The following MAML3 variants were observed in gnomAD, a reference collection of about 807,000 sequenced individuals.
MAML3 encodes mastermind like transcriptional coactivator 3, also known as mastermind-like protein 3.
Under a neutral mutation model 101.9 loss-of-function variants are expected in MAML3, and 27 were observed. The observed-to-expected ratio is 0.27, with a 90% confidence interval of 0.20 to 0.37. The LOEUF (loss-of-function observed/expected upper bound fraction) is 0.37. Among genes scored for constraint, MAML3 ranks in the 10% least tolerant of loss-of-function variants. MAML3 has a pLI of 1.00. For missense variants in MAML3, 1,316 were observed against 1,444.9 expected, an observed-to-expected ratio of 0.91 and a Z score of 1.45; for synonymous variants, 501 against 555.9, an observed-to-expected ratio of 0.90 and a Z score of 1.39.
chr4:139,850,956 A>C (rs1731537593), intron 2 of MAML3, among the ~76,000 whole-genome samples: 1 of 152,098 alleles, frequency 6.6e-6, no homozygotes, highest in South Asian at 2.1e-4. Context: ...GATATGGTTG[A>C]CATTAGAAAA....
intron 2 of MAML3, among the ~76,000 whole-genome samples, chr4:139,739,489 C>G (rs549423140): frequency 1.3e-5 from 2 of 152,132 alleles, no homozygotes; most frequent in East Asian, 3.9e-4. Flanking sequence ...TGATTAATTC[C>G]ACCACCAAAG....
intron 1 of MAML3, among the ~76,000 whole-genome samples, chr4:140,136,811 A>G (rs926181106): frequency 6.6e-6 from 1 of 152,226 alleles, no homozygotes; most frequent in Non-Finnish European, 1.5e-5. Context: ...TTAAACAAAG[A>G]TTCCTCAAAA....
chr4:140,001,452 G>T (rs576825212), intron 1 of MAML3, among the ~76,000 whole-genome samples: 10 of 152,174 alleles, frequency 6.6e-5, no homozygotes, highest in African/African-American at 2.4e-4. Context: ...TTAATAAGTC[G>T]CAGAGTGAGA....
At chr4:140,070,200 G>A (rs186798656) in intron 1 of MAML3, among the ~76,000 whole-genome samples, 10 of 152,236 alleles carry the variant, frequency 6.6e-5, no homozygotes, top group Admixed American at 5.2e-4. Context: ...CACTGTCTTG[G>A]TCACCACTGC....
intron 1 of MAML3, among the ~76,000 whole-genome samples, chr4:140,056,497 T>A (rs1293769627): frequency 6.6e-6 from 1 of 151,726 alleles, no homozygotes; most frequent in African/African-American, 2.4e-5. Flanking sequence ...CTTTTTGTAT[T>A]CTCCTAGAGT....
intron 1 of MAML3, among the ~76,000 whole-genome samples, chr4:140,052,141 G>T (rs1488413774): frequency 6.6e-6 from 1 of 152,140 alleles, no homozygotes; most frequent in African/African-American, 2.4e-5. Flanking sequence ...GAAAAGCCCA[G>T]AAATGGTTCA....
intron 1 of MAML3, among the ~76,000 whole-genome samples, chr4:139,959,064 C>A (rs1163735356): frequency 6.6e-6 from 1 of 152,148 alleles, no homozygotes; most frequent in African/African-American, 2.4e-5. Context: ...GAGACTGAAT[C>A]AAGGAGCGTG....
chr4:139,736,079 C>G (rs773720372), intron 2 of MAML3, among the ~76,000 whole-genome samples: 26 of 151,974 alleles, frequency 1.7e-4, no homozygotes, highest in Non-Finnish European at 2.9e-5. Flanking sequence ...AAAAGGATGC[C>G]CCAGAAAACC....
rs572711294 is a variant in MAML3, at chr4:139,950,481, T to C, written c.469-59514A>G. Among the ~76,000 whole-genome samples the C allele has an allele frequency of 4.6e-4, 70 of 152,332 alleles. 1 individual carries two copies. In the South Asian group the frequency reaches 0.014, roughly 31 times the overall value. On this transcript the variant is annotated intron_variant, in intron 1 of 4. Transcript: ENST00000509479. ...TATTTGTTCTGTCTCTAGAGGACTCTGATTAATACAACCAGCACCTCCCTC... is the reference window on the plus strand; with the variant it reads ...TATTTGTTCTGTCTCTAGAGGACTCCGATTAATACAACCAGCACCTCCCTC...
intron 1 of MAML3, among the ~76,000 whole-genome samples, chr4:140,017,052 A>G (rs1726653655): frequency 6.6e-6 from 1 of 152,212 alleles, no homozygotes; most frequent in Non-Finnish European, 1.5e-5. Context: ...TGCAAACCAT[A>G]TATCTAACAA....
At chr4:139,791,923 T>C (rs1412307832) in intron 2 of MAML3, among the ~76,000 whole-genome samples, 5 of 152,168 alleles carry the variant, frequency 3.3e-5, no homozygotes, top group Non-Finnish European at 7.3e-5. Context: ...TGCAGACAGG[T>C]GGACATGGTA....
At chr4:140,031,930 T>A (rs1726914447) in intron 1 of MAML3, among the ~76,000 whole-genome samples, 1 of 152,210 alleles carries the variant, frequency 6.6e-6, no homozygotes, top group African/African-American at 2.4e-5. Flanking sequence ...CCCCAACTCT[T>A]ACTGGAAGCA....
At chr4:139,758,183 T>C (rs1729689754) in intron 2 of MAML3, among the ~76,000 whole-genome samples, 1 of 152,138 alleles carries the variant, frequency 6.6e-6, no homozygotes, top group African/African-American at 2.4e-5. Flanking sequence ...TACCTGACCC[T>C]CCACAGGTCA....
intron 2 of MAML3, among the ~76,000 whole-genome samples, chr4:139,820,236 A>C (rs1260881506): frequency 6.6e-6 from 1 of 152,254 alleles, no homozygotes; most frequent in Non-Finnish European, 1.5e-5. Flanking sequence ...TCTCTGAAAG[A>C]GTCTGCTTTT....
chr4:139,729,507 A>G (rs1728616915), intron 3 of MAML3, among the ~76,000 whole-genome samples: 1 of 152,200 alleles, frequency 6.6e-6, no homozygotes, highest in African/African-American at 2.4e-5. Context: ...AATATTCTAG[A>G]AGGATAACTG....
chr4:140,110,205 T>G (rs1178918068), intron 1 of MAML3, among the ~76,000 whole-genome samples: 1 of 152,172 alleles, frequency 6.6e-6, no homozygotes, highest in Non-Finnish European at 1.5e-5. Flanking sequence ...GACGGTAAAA[T>G]GTCCTAGTTT....
At chr4:139,788,297 G>T (rs1025000069) in intron 2 of MAML3, among the ~76,000 whole-genome samples, 4 of 152,074 alleles carry the variant, frequency 2.6e-5, no homozygotes, top group African/African-American at 9.7e-5. Flanking sequence ...GGAGCCTTCC[G>T]CACTCCCTCC....
chr4:139,766,988 A>G (rs1160101283), intron 2 of MAML3, among the ~76,000 whole-genome samples: 1 of 151,570 alleles, frequency 6.6e-6, no homozygotes, highest in African/African-American at 2.4e-5. Context: ...CACCTCACAA[A>G]AATACCTTAT....
At chr4:140,067,200 G>GGT (rs34701956) in intron 1 of MAML3, among the ~76,000 whole-genome samples, 43,656 of 149,660 alleles carry the variant, frequency 0.29, 6,359 homozygotes, top group Non-Finnish European at 0.32. Flanking sequence ...AAATTTTAGG[G>GGT]GTGTGTGTGT....
Sources: gnomAD v4.1 joint callset for allele counts (sites outside exome capture counted in the v4.1 genomes callset) on GRCh38, gnomAD v4.1.1 for gene constraint, MANE v1.5 for transcripts, NCBI Gene and HGNC (gene_info 2026-07-23, HGNC 2026-07-21) for gene names.